BAHCC1: variants seen among roughly 807,000 people sequenced by gnomAD.
The protein encoded by BAHCC1 is BAH and coiled-coil domain-containing protein 1.
Under a neutral mutation model 88.2 loss-of-function variants are expected in BAHCC1, and 43 were observed. The observed-to-expected ratio is 0.49, with a 90% CI of 0.38 to 0.63. The LOEUF is 0.63. Ranked by LOEUF, BAHCC1 falls within the 20% of genes least tolerant of loss-of-function variation. The pLI, the probability that BAHCC1 is intolerant of heterozygous loss-of-function variation, is 0.00. For synonymous variants in BAHCC1, 1,510 were observed against 745.5 expected, an observed-to-expected ratio of 2.03 and a Z score of -16.71; for missense variants, 3,023 against 1,654.8, an observed-to-expected ratio of 1.83 and a Z score of -14.34.
chr17:81,400,108 G>A (rs1555645807), intron 2 of BAHCC1, among the ~76,000 whole-genome samples, 191 bp downstream of exon 2: 1 of 152,064 alleles, frequency 6.6e-6, no homozygotes, highest in African/African-American at 2.4e-5. Context: ...GCTTAGAGAG[G>A]CCCTTCCCTG....
At position 81,442,176 on chromosome 17, in the gene BAHCC1, G is replaced by A. The variant is rs782588265; in HGVS notation, c.827G>A (p.Arg276His). The change falls in exon 5 of 28, where the codon CGC becomes CAC. Residue 276 changes from arginine (R) to histidine (H), a missense_variant. By Grantham distance (29) the Arg-to-His change is conservative. Transcript: ENST00000675386. ...GPAPRGACEG[R>H]PKHLTSCLLN... ...GCACCCCGAGGGGCCTGCGAGGGCC[G>A]CCCCAAGCACCTCACCTCCTGCCTC... The A allele has an allele frequency of 1.1e-5, 7 of 653,782 alleles. No homozygotes were observed. The highest frequency in any genetic ancestry group is 2.8e-5 in the Admixed American group (1 of 36,234). 40.5% of individuals were successfully genotyped at this position (653,782 alleles called of 1,614,324 possible). A position where few individuals can be genotyped will look rare whatever the true frequency, so the allele number is the denominator to read the frequency against.
At chr17:81,395,806 G>GGT (rs1555644818) in intron 1 of BAHCC1, 171 bp downstream of exon 1, 1 of 79,652 alleles carries the variant, frequency 1.3e-5, no homozygotes, top group East Asian at 2.5e-3. Flanking sequence ...AAATGTTGAG[G>GGT]CTTTTTTTTT....
At chr17:81,462,451 G>T in intron 26 of BAHCC1, 1 of 510,192 alleles carries the variant, frequency 2.0e-6, no homozygotes, top group Non-Finnish European at 3.5e-6. Flanking sequence ...TTTTGCCTTC[G>T]TAAATAACAC....
At chr17:81,437,736 C>T (rs1555651937) in intron 3 of BAHCC1, among the ~76,000 whole-genome samples, 2 of 152,222 alleles carry the variant, frequency 1.3e-5, no homozygotes, top group African/African-American at 4.8e-5. Flanking sequence ...GACTCGGAGT[C>T]ACCGCCTGGG....
At chr17:81,418,641 A>G (rs782579261) in intron 2 of BAHCC1, among the ~76,000 whole-genome samples, 7 of 152,152 alleles carry the variant, frequency 4.6e-5, no homozygotes, top group African/African-American at 4.8e-5. Flanking sequence ...CAGTAAGTGG[A>G]TAAGTCTGGT....
rs2030276235 is a variant in BAHCC1 at position 81,461,559 on chromosome 17, G to C, written c.6896G>C (p.Gly2299Ala). ...HSSFSDEDED[G>A]PGLAAGVPSR... ...TCCTTCTCGGACGAGGACGAGGACGGGCCGGGGCTGGCGGCCGGCGTGCCC... is the reference window on the plus strand; with the variant it reads ...TCCTTCTCGGACGAGGACGAGGACGCGCCGGGGCTGGCGGCCGGCGTGCCC... The change falls in exon 26 of 28, where the codon GGG becomes GCG. Residue 2299 changes from glycine to alanine, a missense_variant. Gly to Ala is a moderately conservative substitution (Grantham distance 60). Coordinates refer to ENST00000675386, the MANE Select transcript of BAHCC1 (RefSeq NM_001377448.1). The C allele has an allele frequency of 1.4e-6, 1 of 722,224 alleles. No homozygotes were observed. Among genetic ancestry groups the C allele is most frequent in the African/African-American group, 1.7e-5 (1 of 57,614 alleles). The allele number at this position is 722,224 out of a possible 1,614,324, so 44.7% of individuals were successfully genotyped here. A position where few individuals can be genotyped will look rare whatever the true frequency, so the allele number is the denominator to read the frequency against.
At position 81,443,354 on chromosome 17, in the gene BAHCC1, T is replaced by C; in HGVS notation, c.2005T>C (p.Phe669Leu). The C allele has an allele frequency of 1.3e-6, 1 of 778,584 alleles. No homozygotes were observed. Among genetic ancestry groups the C allele is most frequent in the Non-Finnish European group, 2.4e-6 (1 of 417,506 alleles). The allele number at this position is 778,584 out of a possible 1,614,324, so 48.2% of individuals were successfully genotyped here. A position where few individuals can be genotyped will look rare whatever the true frequency, so the allele number is the denominator to read the frequency against. The change falls in exon 5 of 28, where the codon TTC becomes CTC. Residue 669 changes from phenylalanine (F) to leucine (L), a missense_variant. By Grantham distance (22) the Phe-to-Leu change is conservative (BLOSUM62 0). Transcript: ENST00000675386. ...KASCIQQEAK[F>L]LSSKGPGQSE... ...CAGCTGCATCCAGCAGGAAGCAAAG[T>C]TCCTGTCCTCTAAGGGCCCAGGCCA...
rs782558593 is a variant in BAHCC1 at position 81,411,092 on chromosome 17, C to T, written c.178+11175C>T. 1 of 519,420 alleles carries T rather than the reference C, an allele frequency of 1.9e-6. No homozygotes were observed. 32.2% of individuals were successfully genotyped at this position (519,420 alleles called of 1,614,324 possible). On this transcript the variant is annotated intron_variant, in intron 2 of 27. Transcript: ENST00000675386. This position sits in a 1 kb window ranked among gnomAD's most constrained non-coding sequence, Gnocchi z 6.2. ...AGGGGTCCCTCTCTCTGGGGTCACG[C>T]TCCCTTGTTCTCAGTCCCGCAGCCG...
At chr17:81,459,215 C>T (rs573256729) in intron 21 of BAHCC1, 38 bp from the exon 22 acceptor site, 86 of 773,520 alleles carry the variant, frequency 1.1e-4, no homozygotes, top group East Asian at 3.7e-4. Context: ...GGAGGGCAAC[C>T]GAGACCCGTG....
At chr17:81,400,199 C>T (rs1367063401) in intron 2 of BAHCC1, among the ~76,000 whole-genome samples, 1 of 152,212 alleles carries the variant, frequency 6.6e-6, no homozygotes, top group African/African-American at 2.4e-5. Flanking sequence ...GCCACCCTCC[C>T]CCGCCCCCTC....
At chr17:81,416,132 G>T (rs1253960952) in intron 2 of BAHCC1, among the ~76,000 whole-genome samples, 2 of 150,242 alleles carry the variant, frequency 1.3e-5, no homozygotes, top group Admixed American at 6.6e-5. Context: ...ATGAGGGTGG[G>T]TCTATGCGTG....
At chr17:81,438,039 C>A (rs1403420085) in intron 3 of BAHCC1, among the ~76,000 whole-genome samples, 1 of 152,216 alleles carries the variant, frequency 6.6e-6, no homozygotes, top group African/African-American at 2.4e-5. Flanking sequence ...CCTCCTCCCA[C>A]AAAACCTCCC....
intron 10 of BAHCC1, 35 bp downstream of exon 10, chr17:81,445,716 C>T (rs1230012443): frequency 2.8e-6 from 2 of 709,284 alleles, no homozygotes; most frequent in South Asian, 1.5e-5. Flanking sequence ...CCACTGTGCT[C>T]CGCTCCAAGC....
Position 81,461,541 on chromosome 17 carries a change from C to A in BAHCC1, c.6878C>A (p.Ser2293Ter), listed in dbSNP as rs868945099. 10 of 729,468 alleles carry A rather than the reference C, an allele frequency of 1.4e-5. No homozygotes were observed. The South Asian group carries it at 1.5e-4, about 11-fold the overall frequency. The allele number at this position is 729,468 out of a possible 1,614,324, so 45.2% of individuals were successfully genotyped here. A position where few individuals can be genotyped will look rare whatever the true frequency, so the allele number is the denominator to read the frequency against. ...GACAGCGACTGCCACAGCTCCTTCT[C>A]GGACGAGGACGAGGACGGGCCGGGG... is the stretch of plus-strand genomic sequence containing the variant. ...PYDSDCHSSF[S>*]DEDEDGPGLA... Residue 2293 changes from serine (S) to a stop codon, truncating the protein, a stop_gained, in exon 26 of 28, where the codon TCG becomes TAG. Coordinates refer to ENST00000675386, the MANE Select transcript of BAHCC1 (RefSeq NM_001377448.1). LOFTEE classifies it high-confidence loss of function.
rs1483640945 is a variant in BAHCC1, at chr17:81,461,841, C to T, written c.7178C>T (p.Ser2393Phe). 2.8e-6 allele frequency: 2 copies of T among 719,788 alleles called. No individual in the cohort carries two copies. Among genetic ancestry groups the T allele is most frequent in the African/African-American group, 1.7e-5 (1 of 57,354 alleles). The allele number at this position is 719,788 out of a possible 1,614,324, so 44.6% of individuals were successfully genotyped here. ...PHAHAQRCFL[S>F]RATVAGTGAG... ...GCGCATGCCCAGCGCTGCTTCCTGT[C>T]CAGGGCCACGGTGGCTGGCACCGGT... Residue 2393 changes from serine to phenylalanine, a missense_variant, in exon 26 of 28, where the codon TCC becomes TTC. Transcript: ENST00000675386.
At chr17:81,447,871 C>T (rs11650750) in intron 11 of BAHCC1, 23 bp downstream of exon 11, 11 of 716,704 alleles carry the variant, frequency 1.5e-5, no homozygotes, top group South Asian at 8.9e-5. Flanking sequence ...GTTGCCGCCA[C>T]CCCCCAGAGT....
intron 26 of BAHCC1, among the ~76,000 whole-genome samples, chr17:81,462,288 G>GGCCCGA (rs1439108508): frequency 6.6e-6 from 1 of 152,226 alleles, no homozygotes; most frequent in African/African-American, 2.4e-5. Context: ...TGTCGGGCCG[G>GGCCCGA]GCCTGAGCTG....
chr17:81,444,113 G>A (rs537846496), intron 6 of BAHCC1, 196 bp downstream of exon 6: 1 of 604,098 alleles, frequency 1.7e-6, no homozygotes, highest in East Asian at 2.7e-5. Flanking sequence ...TTAACCCCTT[G>A]CAGCGGTCAG....
At chr17:81,426,621 A>G (rs2064203274) in intron 2 of BAHCC1, among the ~76,000 whole-genome samples, 179 bp from the exon 3 acceptor site, 1 of 151,890 alleles carries the variant, frequency 6.6e-6, no homozygotes. Context: ...GTGGCAGTCA[A>G]AGGCATATGG....
Sources: allele counts gnomAD v4.1 joint callset (sites outside exome capture counted in the v4.1 genomes callset), GRCh38; gene constraint gnomAD v4.1.1; non-coding constraint Gnocchi (gnomAD v3.1); transcripts MANE v1.5; gene names NCBI Gene and HGNC (gene_info 2026-07-23, HGNC 2026-07-21).